The following ADAMTS2 variants were observed in gnomAD, a reference collection of about 807,000 sequenced individuals.
The protein encoded by ADAMTS2 is ADAM metallopeptidase with thrombospondin type 1 motif 2, also known as A disintegrin and metalloproteinase with thrombospondin motifs 2.
In ADAMTS2, 50 loss-of-function variants were observed where a neutral mutation model predicts 123.0. The ratio of observed to expected loss-of-function variants is 0.41; its 90% CI spans 0.32 to 0.51. The LOEUF (loss-of-function observed/expected upper bound fraction) is 0.51, where lower values mean the gene tolerates loss of function less well. Ranked by LOEUF, ADAMTS2 falls within the 20% of genes least tolerant of loss-of-function variation. The pLI is 0.35. For missense variants in ADAMTS2, 1,494 were observed against 1,705.2 expected (o/e 0.88, Z 2.18); for synonymous variants, 678 against 695.4 (o/e 0.98, Z 0.39).
intron 2 of ADAMTS2, among the ~76,000 whole-genome samples, chr5:179,284,330 AAAAC>A (rs797014880): frequency 7.0e-4 from 107 of 152,192 alleles, no homozygotes; most frequent in African/African-American, 2.0e-3. Context: ...CTCCATCTCA[AAAAC>A]AAACAAACAA....
chr5:179,132,642 T>G lies in ADAMTS2; in HGVS notation c.2209+135A>C. On this transcript the variant is annotated intron_variant, in intron 14 of 21. Transcript: ENST00000251582. This position sits in a 1 kb window ranked among gnomAD's most constrained non-coding sequence, Gnocchi z 6.1. ...ACTTAGGATTCTCCCTCCCCCTCAG[T>G]GTCACAGACCTCTCCCCCTCCCCAG... 8.7e-7 allele frequency: 1 copy of G among 1,144,638 alleles called. No individual in the cohort carries two copies. The highest frequency in any genetic ancestry group is 1.2e-6 in the Non-Finnish European group (1 of 804,460). The allele number at this position is 1,144,638 out of a possible 1,614,324, so 70.9% of individuals were successfully genotyped here. A position where few individuals can be genotyped will look rare whatever the true frequency, so the allele number is the denominator to read the frequency against.
At chr5:179,249,557 A>G (rs1030189606) in intron 3 of ADAMTS2, among the ~76,000 whole-genome samples, 22 of 152,262 alleles carry the variant, frequency 1.4e-4, no homozygotes, top group African/African-American at 5.0e-4. Flanking sequence ...ATCACAAACA[A>G]AAGTGGGGAC....
At chr5:179,213,182 C>T (rs1188607083) in intron 3 of ADAMTS2, among the ~76,000 whole-genome samples, 1 of 152,132 alleles carries the variant, frequency 6.6e-6, no homozygotes, top group African/African-American at 2.4e-5. Flanking sequence ...GGATGGCCGC[C>T]CCCTCATTGC....
Position 179,135,799 on chromosome 5 carries a change from C to T in ADAMTS2, c.2085+110G>A, listed in dbSNP as rs571307435. On this transcript the variant is annotated intron_variant, in intron 13 of 21. Coordinates refer to ENST00000251582, the MANE Select transcript of ADAMTS2 (RefSeq NM_014244.5). ...GGTCCGGGCATTGTTTCTGACACTT[C>T]GTATGCTTCACCTCATGCATCTTGC... is the stretch of plus-strand genomic sequence containing the variant. 1.1e-5 allele frequency: 17 copies of T among 1,502,950 alleles called. No homozygotes were observed. In the Admixed American group the frequency reaches 1.5e-4, roughly 13 times the overall value. The allele number at this position is 1,502,950 out of a possible 1,614,324, so 93.1% of individuals were successfully genotyped here.
At chr5:179,331,873 C>CT (rs1210886541) in intron 2 of ADAMTS2, among the ~76,000 whole-genome samples, 8 of 152,208 alleles carry the variant, frequency 5.3e-5, no homozygotes, top group African/African-American at 1.4e-4. Flanking sequence ...CCTCCAGACG[C>CT]TAGCTGGGTG....
chr5:179,222,282 G>A (rs13173873), intron 3 of ADAMTS2, among the ~76,000 whole-genome samples: 28,719 of 151,286 alleles, frequency 0.19, 3,374 homozygotes, highest in Non-Finnish European at 0.26. Flanking sequence ...CGGTGTTGAC[G>A]AGGCTTAATT....
chr5:179,207,984 G>A (rs963694665), intron 3 of ADAMTS2, among the ~76,000 whole-genome samples: 5 of 152,260 alleles, frequency 3.3e-5, no homozygotes, highest in Non-Finnish European at 7.4e-5. Flanking sequence ...GCCACAGCAG[G>A]GGCCACAGTG....
intron 3 of ADAMTS2, among the ~76,000 whole-genome samples, chr5:179,210,034 T>C (rs145616790): frequency 6.0e-4 from 92 of 152,312 alleles, no homozygotes; most frequent in African/African-American, 2.2e-3. Flanking sequence ...TGATAGTATT[T>C]GAAAACTGGG....
chr5:179,151,071 A>AT, intron 10 of ADAMTS2: 1 of 331,234 alleles, frequency 3.0e-6, no homozygotes, highest in Non-Finnish European at 6.2e-6. Flanking sequence ...TAATTTTTGT[A>AT]TTTTTAGTAG....
chr5:179,207,470 G>GA, intron 4 of ADAMTS2, 43 bp downstream of exon 4: 11 of 1,323,514 alleles, frequency 8.3e-6, no homozygotes, highest in Admixed American at 5.1e-5. Flanking sequence ...GCCCCTGGTT[G>GA]ACCCTCCCCG....
At chr5:179,123,403 TTTTTGTTTTG>T (rs1156954102) in intron 19 of ADAMTS2, among the ~76,000 whole-genome samples, 1 of 152,146 alleles carries the variant, frequency 6.6e-6, no homozygotes, top group Non-Finnish European at 1.5e-5. Context: ...AAGGTCTGTG[TTTTTGTTTTG>T]TTTTGTTTTG....
At chr5:179,157,870 C>T (rs1763508652) in intron 6 of ADAMTS2, among the ~76,000 whole-genome samples, 1 of 152,076 alleles carries the variant, frequency 6.6e-6, no homozygotes, top group Non-Finnish European at 1.5e-5. Context: ...TAAATATTTC[C>T]CCCAGTGGAT....
chr5:179,132,804 T>G lies in ADAMTS2; in HGVS notation c.2182A>C (p.Thr728Pro). 1 of 1,614,126 alleles carries G rather than the reference T, an allele frequency of 6.2e-7. No homozygotes were observed. The highest frequency in any genetic ancestry group is 8.5e-7 in the Non-Finnish European group (1 of 1,180,014). ...DNSHCKVVKGTFTRSPKKHGY... is the reference protein window; with the variant it reads ...DNSHCKVVKGPFTRSPKKHGY... ...TGCTTCTTGGGTGACCGTGTGAACG[T>G]GCCCTTGACCACTTTGCAGTGGCTG... Residue 728 changes from threonine (T) to proline (P), a missense_variant, in exon 14 of 22, where the codon ACG (threonine) becomes CCG (proline). Transcript: ENST00000251582. This position sits in a 1 kb window ranked among gnomAD's most constrained non-coding sequence, Gnocchi z 6.1.
chr5:179,154,054 G>A lies in ADAMTS2; in HGVS notation c.1377C>T (p.Tyr459=), dbSNP rs933381749. ...SRCSQQELSR[Y]LHSYDCLLDD... is the part of the protein sequence containing the mutation. ...GGCACATGGGCAGTACTCACTGCAG[G>A]TAGCGGCTCAGCTCCTGCTGGCTGC... Residue 459 remains tyrosine, a synonymous_variant, in exon 8 of 22, where the codon TAC becomes TAT. Transcript: ENST00000251582. 46 of 1,602,208 alleles carry A rather than the reference G, an allele frequency of 2.9e-5. No homozygotes were observed. The highest frequency in any genetic ancestry group is 3.7e-5 in the Non-Finnish European group (44 of 1,177,152).
Position 179,111,389 on chromosome 5 carries a change from G to T in ADAMTS2, c.*2478C>A, listed in dbSNP as rs971184949. On this transcript the variant is annotated 3_prime_UTR_variant, in exon 22 of 22. Coordinates refer to ENST00000251582, the MANE Select transcript of ADAMTS2 (RefSeq NM_014244.5). The stretch of plus-strand genomic sequence containing the variant: ...CTGTTACTAAGCCGGTTCTCCAAGT[G>T]GTCCCCAGCTCAGAGATTTGCGTCG... The T allele has an allele frequency of 5.9e-5, 9 of 152,230 alleles. No homozygotes were observed. Among genetic ancestry groups the T allele is most frequent in the Admixed American group, 2.6e-4 (4 of 15,280 alleles). The allele number at this position is 152,230 out of a possible 1,614,324, so 9.4% of individuals were successfully genotyped here.
At position 179,162,308 on chromosome 5, in the gene ADAMTS2, GA is replaced by G. The variant is rs111875336; in HGVS notation, c.976-3430del. The stretch of plus-strand genomic sequence containing the variant: ...CCACGCCTTCCTGGCCACCATGAAG[GA>G]TCAGGGTGAACATACAACCAAAGCG... On this transcript the variant is annotated intron_variant, in intron 5 of 21. Transcript: ENST00000251582. The surrounding 1 kb of genome is among the most constrained non-coding windows in gnomAD (Gnocchi z 5.1). Among the ~76,000 whole-genome samples the G allele has an allele frequency of 0.03, 4,549 of 152,240 alleles. 237 individuals are homozygous for G. The highest frequency in any genetic ancestry group is 0.1 in the African/African-American group (4,353 of 41,520).
At chr5:179,315,624 C>G (rs340114) in intron 2 of ADAMTS2, among the ~76,000 whole-genome samples, 142,480 of 152,324 alleles carry the variant, frequency 0.94, 66,747 homozygotes, top group East Asian at 1. Flanking sequence ...GTTCTAGAGA[C>G]GCCGTACCCA....
At chr5:179,179,554 A>T (rs17605129) in intron 5 of ADAMTS2, among the ~76,000 whole-genome samples, 19,268 of 152,200 alleles carry the variant, frequency 0.13, 1,319 homozygotes, top group Non-Finnish European at 0.13. Context: ...CCTTATTAGC[A>T]TCTAATCTGT....
rs1763799257 is a variant in ADAMTS2, at chr5:179,170,681, C to G, written c.975+10391G>C. Among the ~76,000 whole-genome samples, 1 of 152,164 alleles carries G rather than the reference C, an allele frequency of 6.6e-6. No individual in the cohort carries two copies. Among genetic ancestry groups the G allele is most frequent in the South Asian group, 2.1e-4 (1 of 4,828 alleles). ...CTGGGAAGTCCCCATCCTGGCTGCT[C>G]CATCCATGGTCCCCTATTGCCTGCC... On this transcript the variant is annotated intron_variant, in intron 5 of 21. Transcript: ENST00000251582. This position sits in a 1 kb window ranked among gnomAD's most constrained non-coding sequence, Gnocchi z 4.3.
Sources: allele counts gnomAD v4.1 joint callset (sites outside exome capture counted in the v4.1 genomes callset), GRCh38; gene constraint gnomAD v4.1.1; non-coding constraint Gnocchi (gnomAD v3.1); transcripts MANE v1.5; gene names NCBI Gene and HGNC (gene_info 2026-07-23, HGNC 2026-07-21).